The following TVP23A variants were observed in gnomAD, a reference collection of about 807,000 sequenced individuals.
TVP23A encodes Golgi apparatus membrane protein TVP23 homolog A.
TVP23A carries 21 observed loss-of-function variants against 31.7 expected under a neutral mutation model. That is an observed-to-expected ratio of 0.66 (90% CI 0.47 to 0.95). TVP23A has a LOEUF of 0.95. Among genes scored for constraint, TVP23A ranks in the 40% least tolerant of loss-of-function variants. TVP23A has a pLI of 0.00. For synonymous variants in TVP23A, 104 were observed against 96.0 expected, an observed-to-expected ratio of 1.08 and a Z score of -0.49; for missense variants, 279 against 255.6, an observed-to-expected ratio of 1.09 and a Z score of -0.62.
At chr16:10,814,546 G>A (rs1180720697) in intron 2 of TVP23A, among the ~76,000 whole-genome samples, 6 of 152,010 alleles carry the variant, frequency 3.9e-5, no homozygotes, top group Non-Finnish European at 8.8e-5. Context: ...TGTCATCCCT[G>A]CCAGTGCCTT....
At chr16:10,788,403 C>T (rs1596530055) in intron 2 of TVP23A, among the ~76,000 whole-genome samples, 1 of 151,838 alleles carries the variant, frequency 6.6e-6, no homozygotes, top group African/African-American at 2.4e-5. Flanking sequence ...GCCTCCTGAG[C>T]AGCTGGGACT....
At chr16:10,811,086 G>C (rs557143046) in intron 2 of TVP23A, among the ~76,000 whole-genome samples, 1 of 152,140 alleles carries the variant, frequency 6.6e-6, no homozygotes, top group Non-Finnish European at 1.5e-5. Flanking sequence ...GTTCCCAGGG[G>C]CTTGGGGAAA....
Position 10,768,689 on chromosome 16 carries a change from CA to C in TVP23A, c.*412del. ...GCCACATTCAGCCAGTGGCAGCCAT[CA>C]GAGGCCCCAGAGTTAGGGCAGAGGT... On this transcript the variant is annotated 3_prime_UTR_variant, in exon 8 of 8. Transcript: ENST00000299866. The surrounding 1 kb of genome is among the most constrained non-coding windows in gnomAD (Gnocchi z 4.3). The C allele has an allele frequency of 4.6e-6, 1 of 218,982 alleles. No homozygotes were observed. Among genetic ancestry groups the C allele is most frequent in the Non-Finnish European group, 8.9e-6 (1 of 112,932 alleles). 13.6% of individuals were successfully genotyped at this position (218,982 alleles called of 1,614,324 possible). A position where few individuals can be genotyped will look rare whatever the true frequency, so the allele number is the denominator to read the frequency against.
chr16:10,765,345 A>AG (rs2030714834), downstream of TVP23A, among the ~76,000 whole-genome samples: 2 of 151,386 alleles, frequency 1.3e-5, no homozygotes, highest in Admixed American at 1.3e-4. The surrounding 1 kb of genome is among the most constrained non-coding windows in gnomAD (Gnocchi z 4.0). Flanking sequence ...AAAAAAAAAA[A>AG]AAAAGGAAAA....
chr16:10,803,289 G>T (rs2033796600), intron 2 of TVP23A, among the ~76,000 whole-genome samples: 1 of 150,458 alleles, frequency 6.6e-6, no homozygotes, highest in East Asian at 1.9e-4. Flanking sequence ...GTGTGTGTCA[G>T]AGTCTGGGCG....
intron 2 of TVP23A, chr16:10,775,676 A>G: frequency 8.4e-6 from 3 of 357,102 alleles, no homozygotes; most frequent in Non-Finnish European, 1.2e-5. Flanking sequence ...GTGCCTTTAG[A>G]CACAAACCTG....
exon 9 of TVP23A, chr16:10,761,318 T>G: frequency 6.4e-7 from 1 of 1,569,706 alleles, no homozygotes; most frequent in Non-Finnish European, 8.8e-7. Context: ...GACATTCCCT[T>G]TCTCGCACTT....
Position 10,768,037 on chromosome 16 carries a change from G to C in TVP23A, c.*1065C>G, listed in dbSNP as rs1330094011. The C allele has an allele frequency of 3.7e-6, 6 of 1,613,522 alleles. No individual in the cohort carries two copies. In the South Asian group the frequency reaches 5.5e-5, roughly 15 times the overall value. On this transcript the variant is annotated 3_prime_UTR_variant, in exon 8 of 8. Transcript: ENST00000299866. The surrounding 1 kb of genome is among the most constrained non-coding windows in gnomAD (Gnocchi z 4.3). The stretch of plus-strand genomic sequence containing the variant: ...CCTACAGAAGTATAATTCAGAGTAA[G>C]TATTTCCATGAGTACTAAATGCAGA...
intron 2 of TVP23A, among the ~76,000 whole-genome samples, chr16:10,776,951 CT>C (rs896800784): frequency 6.6e-6 from 1 of 152,116 alleles, no homozygotes; most frequent in Non-Finnish European, 1.5e-5. Context: ...TTTTAGCCGG[CT>C]TTTTTACTGC....
intron 2 of TVP23A, among the ~76,000 whole-genome samples, chr16:10,802,343 G>A (rs2033743941): frequency 6.7e-6 from 1 of 148,456 alleles, no homozygotes; most frequent in Admixed American, 6.7e-5. Context: ...GCAGTGGTGT[G>A]ATCTCGGCTC....
intron 2 of TVP23A, among the ~76,000 whole-genome samples, chr16:10,799,446 G>A (rs1596552178): frequency 1.3e-5 from 2 of 152,174 alleles, no homozygotes; most frequent in South Asian, 4.1e-4. Flanking sequence ...TGATTCTACT[G>A]CCTCAGCCTC....
intron 2 of TVP23A, among the ~76,000 whole-genome samples, chr16:10,795,731 C>G (rs2033352028): frequency 6.6e-6 from 1 of 152,116 alleles, no homozygotes; most frequent in Admixed American, 6.6e-5. Context: ...CTTCTGGATC[C>G]CTTCAGCTCA....
chr16:10,779,761 G>A lies in TVP23A; in HGVS notation c.90-4665C>T, dbSNP rs1419524423. ...TTTCCAGAGCTTATATACCTTCTGA[G>A]CTATATGTCATGGATAAGTTTGCAT... On this transcript the variant is annotated intron_variant, in intron 2 of 7. Transcript: ENST00000299866. The surrounding 1 kb of genome is among the most constrained non-coding windows in gnomAD (Gnocchi z 4.9). 6.6e-6 allele frequency among the ~76,000 whole-genome samples: 1 copy of A among 152,200 alleles called. No individual in the cohort carries two copies. Among genetic ancestry groups the A allele is most frequent in the African/African-American group, 2.4e-5 (1 of 41,452 alleles).
At chr16:10,760,730 G>C (rs1001958987), downstream of TVP23A, among the ~76,000 whole-genome samples, 10 of 151,668 alleles carry the variant, frequency 6.6e-5, no homozygotes, top group African/African-American at 2.4e-4. Flanking sequence ...GTGAGATCCT[G>C]TCTCTAAAAA....
intron 2 of TVP23A, among the ~76,000 whole-genome samples, chr16:10,778,400 G>A (rs1327892881): frequency 2.0e-5 from 3 of 152,138 alleles, no homozygotes; most frequent in Non-Finnish European, 4.4e-5. Context: ...TAAGACTCTT[G>A]GGTGTCTCTT....
rs762658687 is a variant in TVP23A, at chr16:10,769,002, G to C, written c.*100C>G. ...CAGCACAGGACAGGGCTGTCAAGGG[G>C]TAGACAAGCCATTAGCACTCTATGC... On this transcript the variant is annotated 3_prime_UTR_variant, in exon 8 of 8. Transcript: ENST00000299866. 6 of 1,567,540 alleles carry C rather than the reference G, an allele frequency of 3.8e-6. No homozygotes were observed. The highest frequency in any genetic ancestry group is 5.3e-6 in the Non-Finnish European group (6 of 1,137,734).
At chr16:10,775,257 A>G in intron 2 of TVP23A, 161 bp from the exon 3 acceptor site, 1 of 1,440,574 alleles carries the variant, frequency 6.9e-7, no homozygotes, top group Non-Finnish European at 9.1e-7. Context: ...CCCTGGGGAC[A>G]CATCATTAGG....
intron 2 of TVP23A, among the ~76,000 whole-genome samples, chr16:10,816,490 C>T (rs1020475231): frequency 2.6e-5 from 4 of 152,064 alleles, no homozygotes; most frequent in Admixed American, 6.6e-5. Context: ...CATGCCACTA[C>T]ACCCAGCTAA....
intron 2 of TVP23A, among the ~76,000 whole-genome samples, chr16:10,813,728 G>A (rs891952353): frequency 2.0e-5 from 3 of 152,036 alleles, no homozygotes; most frequent in Non-Finnish European, 4.4e-5. Flanking sequence ...TTTCTAGGCC[G>A]GGCATGGTGG....
Sources: allele counts gnomAD v4.1 joint callset (sites outside exome capture counted in the v4.1 genomes callset), GRCh38; gene constraint gnomAD v4.1.1; non-coding constraint Gnocchi (gnomAD v3.1); transcripts MANE v1.5; gene names NCBI Gene and HGNC (gene_info 2026-07-23, HGNC 2026-07-21).